The following CCDC30 variants were observed in gnomAD, a reference collection of about 807,000 sequenced individuals.
The protein encoded by CCDC30 is coiled-coil domain-containing protein 30.
CCDC30 carries 70 observed loss-of-function variants against 100.2 expected under a neutral mutation model. The observed-to-expected ratio is 0.70, with a 90% confidence interval of 0.58 to 0.85. CCDC30 has a LOEUF of 0.85. Ranked by LOEUF, CCDC30 falls within the 40% of genes least tolerant of loss-of-function variation. The pLI, the probability that CCDC30 is intolerant of heterozygous loss-of-function variation, is 0.00. For missense variants in CCDC30, 652 were observed against 771.2 expected (o/e 0.85, Z 1.83); for synonymous variants, 233 against 269.5 (o/e 0.86, Z 1.33).
intron 6 of CCDC30, among the ~76,000 whole-genome samples, chr1:42,530,898 G>T (rs992035887): frequency 3.3e-5 from 5 of 152,134 alleles, no homozygotes; most frequent in African/African-American, 1.2e-4. Flanking sequence ...GGAGTTTCAG[G>T]TGTCCACTGG....
downstream of CCDC30, chr1:42,654,676 A>G (rs922565578): frequency 2.6e-5 from 4 of 151,746 alleles, no homozygotes; most frequent in African/African-American, 9.7e-5. Context: ...AAAAAAGCAA[A>G]AAACAAAAAC....
At chr1:42,566,972 T>C (rs1645618830) in intron 7 of CCDC30, among the ~76,000 whole-genome samples, 1 of 152,184 alleles carries the variant, frequency 6.6e-6, no homozygotes. Flanking sequence ...TCAACTAAAT[T>C]TTATGGACCA....
At chr1:42,608,076 A>G (rs1049826757) in intron 10 of CCDC30, among the ~76,000 whole-genome samples, 4 of 151,836 alleles carry the variant, frequency 2.6e-5, no homozygotes, top group African/African-American at 9.7e-5. Flanking sequence ...TTCAGCCCCA[A>G]ACACCATGTC....
chr1:42,600,828 T>TCA (rs1397896264), intron 10 of CCDC30, among the ~76,000 whole-genome samples: 1 of 151,318 alleles, frequency 6.6e-6, no homozygotes, highest in Non-Finnish European at 1.5e-5. Context: ...TCTCTCTCTC[T>TCA]CACTCTTGCT....
At chr1:42,464,881 C>T (rs16829567) in intron 1 of CCDC30, among the ~76,000 whole-genome samples, 1,857 of 152,292 alleles carry the variant, frequency 0.012, 32 homozygotes, top group African/African-American at 0.041. Flanking sequence ...ATGTCTCATG[C>T]TTAGAGCCAG....
chr1:42,525,445 G>A (rs757404384), intron 6 of CCDC30, among the ~76,000 whole-genome samples: 1 of 151,968 alleles, frequency 6.6e-6, no homozygotes, highest in Non-Finnish European at 1.5e-5. Context: ...CATTTAAAGT[G>A]TTGAAAATTT....
intron 11 of CCDC30, among the ~76,000 whole-genome samples, chr1:42,618,019 G>T (rs1165780713): frequency 6.6e-6 from 1 of 152,202 alleles, no homozygotes; most frequent in African/African-American, 2.4e-5. Flanking sequence ...AAGTAAGATG[G>T]AGTTAGTTAG....
At chr1:42,481,428 T>C (rs1643955597) in intron 2 of CCDC30, among the ~76,000 whole-genome samples, 1 of 151,794 alleles carries the variant, frequency 6.6e-6, no homozygotes, top group African/African-American at 2.4e-5. Flanking sequence ...AATACAAAAA[T>C]TAGCCAGGCA....
chr1:42,642,711 C>T (rs534912049), intron 13 of CCDC30, 102 bp downstream of exon 17: 6 of 1,126,814 alleles, frequency 5.3e-6, no homozygotes, highest in Admixed American at 3.0e-5. Context: ...TTGTAGCCTA[C>T]CCTATGACTC....
Position 42,496,982 on chromosome 1 carries a change from A to T in CCDC30, c.242-116A>T, listed in dbSNP as rs1437944245. 9.3e-6 allele frequency: 4 copies of T among 431,646 alleles called. No individual in the cohort carries two copies. The Admixed American group carries it at 1.8e-4, about 19-fold the overall frequency. The allele number at this position is 431,646 out of a possible 1,614,324, so 26.7% of individuals were successfully genotyped here. ...GAGAGCCAGCCACATATGCAGAGAC[A>T]TGGTAGGACTGACAAGAAGGGCAGG... On this transcript the variant is annotated intron_variant, in intron 4 of 16. Transcript: ENST00000668663.
chr1:42,472,351 T>C (rs1324410763), intron 1 of CCDC30, among the ~76,000 whole-genome samples: 1 of 152,218 alleles, frequency 6.6e-6, no homozygotes, highest in Non-Finnish European at 1.5e-5. Flanking sequence ...CAAACTGTTA[T>C]GTCATGATTA....
At chr1:42,511,692 G>T (rs978447118) in intron 6 of CCDC30, among the ~76,000 whole-genome samples, 8 of 151,954 alleles carry the variant, frequency 5.3e-5, no homozygotes, top group African/African-American at 1.9e-4. Flanking sequence ...TTAGTATATT[G>T]GTGCAAAAAG....
At chr1:42,620,577 A>T (rs1205053734) in intron 11 of CCDC30, among the ~76,000 whole-genome samples, 1 of 142,182 alleles carries the variant, frequency 7.0e-6, no homozygotes, top group Non-Finnish European at 1.5e-5. Context: ...GGACAATATG[A>T]GGGGCAAAAA....
chr1:42,600,567 A>G (rs1646383997), intron 10 of CCDC30, among the ~76,000 whole-genome samples: 1 of 152,168 alleles, frequency 6.6e-6, no homozygotes, highest in African/African-American at 2.4e-5. Context: ...ACAAATTAAC[A>G]AACATGAAAG....
At chr1:42,583,759 C>T (rs1646014383) in intron 9 of CCDC30, among the ~76,000 whole-genome samples, 1 of 152,140 alleles carries the variant, frequency 6.6e-6, no homozygotes, top group Admixed American at 6.5e-5. Flanking sequence ...ACTGGTTATG[C>T]AGTCTGTATG....
intron 7 of CCDC30, among the ~76,000 whole-genome samples, chr1:42,575,106 G>A (rs770786662): frequency 1.8e-4 from 27 of 152,192 alleles, no homozygotes; most frequent in Non-Finnish European, 3.4e-4. Context: ...AAGCACAGAT[G>A]AAGGACATTA....
chr1:42,511,659 A>G (rs2148492051), intron 6 of CCDC30, among the ~76,000 whole-genome samples: 1 of 152,246 alleles, frequency 6.6e-6, no homozygotes, highest in African/African-American at 2.4e-5. Flanking sequence ...TCCCATTTAC[A>G]GAAGGGGCAT....
Position 42,637,204 on chromosome 1 carries a change from C to G in CCDC30, c.1278-33C>G, listed in dbSNP as rs1377073339. On this transcript the variant is annotated intron_variant, in intron 11 of 16. Transcript: ENST00000668663. ...ATGCAAAATAAATTTTAACTGTGTT[C>G]AGATGTGTCTAAACTCAAATTTACT... 3 of 1,541,600 alleles carry G rather than the reference C, an allele frequency of 1.9e-6. No individual in the cohort carries two copies. The African/African-American group carries it at 4.2e-5, about 22-fold the overall frequency.
At chr1:42,573,394 T>C (rs905732202) in intron 7 of CCDC30, among the ~76,000 whole-genome samples, 7 of 152,184 alleles carry the variant, frequency 4.6e-5, no homozygotes, top group East Asian at 1.9e-4. Context: ...ATGGTAACTT[T>C]AAAAATGTTC....
Sources: gnomAD v4.1 joint callset for allele counts (sites outside exome capture counted in the v4.1 genomes callset) on GRCh38, gnomAD v4.1.1 for gene constraint, MANE v1.5 for transcripts, NCBI Gene and HGNC (gene_info 2026-07-23, HGNC 2026-07-21) for gene names.